The following ATP10B variants were observed in gnomAD, a reference collection of about 807,000 sequenced individuals.
The protein encoded by ATP10B is ATPase phospholipid transporting 10B (putative).
A neutral mutation model predicts 141.2 loss-of-function variants in ATP10B; 122 were observed. That is an observed-to-expected ratio of 0.86 (90% CI 0.75 to 1.00). The LOEUF is 1.00. ATP10B is among the 50% of genes least tolerant of loss of function. The probability of loss-of-function intolerance (pLI) is 0.00; values close to 1 mark genes in which losing one functional copy is unlikely to be tolerated. For missense variants in ATP10B, 1,876 were observed against 1,825.3 expected, an observed-to-expected ratio of 1.03 and a Z score of -0.51; for synonymous variants, 685 against 692.0, an observed-to-expected ratio of 0.99 and a Z score of 0.16.
chr5:160,910,506 C>G, the ATP10B span, among the ~76,000 whole-genome samples: 9 of 152,232 alleles, frequency 5.9e-5, no homozygotes, highest in East Asian at 1.7e-3. Flanking sequence ...AAACAGCCAA[C>G]TGAATAATAA....
chr5:160,889,126 A>T, the ATP10B span, among the ~76,000 whole-genome samples: 1 of 152,202 alleles, frequency 6.6e-6, no homozygotes, highest in African/African-American at 2.4e-5. Context: ...TGAAATGACC[A>T]GAGGCTTGGT....
rs1168701787 is a variant in ATP10B at position 160,849,643 on chromosome 5, T to A, written c.-576+2298A>T. Among the ~76,000 whole-genome samples the A allele has an allele frequency of 2.6e-4, 10 of 38,266 alleles. No individual in the cohort carries two copies. In the East Asian group the frequency reaches 7.7e-3, roughly 30 times the overall value. The allele number at this position is 38,266 out of a possible 152,430, so 25.1% of individuals were successfully genotyped here. The stretch of plus-strand genomic sequence containing the variant: ...TACACACACACACACACACACACAC[T>A]CTTTTAATGTGAGCATTTGACAGGC... On this transcript the variant is annotated intron_variant, in intron 1 of 25. Coordinates refer to ENST00000327245, the MANE Select transcript of ATP10B (RefSeq NM_025153.3).
chr5:160,665,637 T>C (rs972468560), intron 7 of ATP10B, among the ~76,000 whole-genome samples: 3 of 151,946 alleles, frequency 2.0e-5, no homozygotes, highest in Admixed American at 6.6e-5. Context: ...GGACCATGAG[T>C]TTTTCAAGAA....
chr5:160,629,292 A>C (rs1479925131), intron 13 of ATP10B, among the ~76,000 whole-genome samples: 1 of 152,022 alleles, frequency 6.6e-6, no homozygotes, highest in Non-Finnish European at 1.5e-5. Flanking sequence ...CAAGGATCTG[A>C]CACCAGCTAG....
chr5:160,878,032 C>G, the ATP10B span, among the ~76,000 whole-genome samples: 49 of 152,134 alleles, frequency 3.2e-4, no homozygotes, highest in Admixed American at 3.1e-3. Flanking sequence ...GAGAAAACTA[C>G]TTTAAAGTTC....
At chr5:160,595,787 T>C in intron 22 of ATP10B, among the ~76,000 whole-genome samples, 1 of 150,420 alleles carries the variant, frequency 6.6e-6, no homozygotes, top group Non-Finnish European at 1.5e-5. Context: ...CACTAGAAAA[T>C]CTAGAAGAAA....
intron 13 of ATP10B, among the ~76,000 whole-genome samples, chr5:160,626,992 C>A (rs992038581): frequency 6.6e-6 from 1 of 152,146 alleles, no homozygotes; most frequent in Non-Finnish European, 1.5e-5. Context: ...CATAGTTCCT[C>A]TTATGTCTCT....
chr5:160,878,432 A>G, the ATP10B span, among the ~76,000 whole-genome samples: 27 of 152,296 alleles, frequency 1.8e-4, no homozygotes, highest in African/African-American at 6.0e-4. Context: ...TAAAAACCCT[A>G]GAAGAAAACC....
At chr5:160,871,163 CTT>C in the ATP10B span, among the ~76,000 whole-genome samples, 11 of 152,008 alleles carry the variant, frequency 7.2e-5, no homozygotes, top group Non-Finnish European at 1.6e-4. Context: ...GAAACTAAAA[CTT>C]TTAATTGATC....
At chr5:160,817,876 C>G (rs990409227) in intron 1 of ATP10B, among the ~76,000 whole-genome samples, 2 of 152,148 alleles carry the variant, frequency 1.3e-5, no homozygotes, top group African/African-American at 2.4e-5. Context: ...TTTGACAAAC[C>G]TGACAAAAAC....
rs533232377 is a variant in ATP10B at position 160,616,294 on chromosome 5, G to A, written c.2527-330C>T. ...AAATAGTTATTTCAGGGAATGCTAG[G>A]TAGTAAATGAGTGATATGAGAAAGT... is the stretch of plus-strand genomic sequence containing the variant. On this transcript the variant is annotated intron_variant, in intron 16 of 25. Coordinates refer to ENST00000327245, the MANE Select transcript of ATP10B (RefSeq NM_025153.3). 1.5e-3 allele frequency among the ~76,000 whole-genome samples: 233 copies of A among 152,234 alleles called. 1 individual carries two copies. The highest frequency in any genetic ancestry group is 5.5e-3 in the African/African-American group (227 of 41,516).
At chr5:160,722,437 G>C (rs1766057431) in intron 2 of ATP10B, among the ~76,000 whole-genome samples, 1 of 152,158 alleles carries the variant, frequency 6.6e-6, no homozygotes, top group African/African-American at 2.4e-5. Context: ...TTAGCACCAC[G>C]TGAACAGATC....
At chr5:160,664,726 C>T (rs1227741164) in intron 7 of ATP10B, among the ~76,000 whole-genome samples, 1 of 152,192 alleles carries the variant, frequency 6.6e-6, no homozygotes, top group Non-Finnish European at 1.5e-5. Context: ...CAAGTTCCCA[C>T]TTGGCCCTGG....
chr5:160,791,942 G>T (rs1771601853), intron 1 of ATP10B, among the ~76,000 whole-genome samples: 1 of 152,096 alleles, frequency 6.6e-6, no homozygotes, highest in Non-Finnish European at 1.5e-5. Context: ...GACTCTAGCT[G>T]GGATGAAAGC....
Position 160,781,587 on chromosome 5 carries a change from A to G in ATP10B, c.-331+3972T>C, listed in dbSNP as rs116686420. 2.8e-3 allele frequency among the ~76,000 whole-genome samples: 427 copies of G among 152,310 alleles called. 1 individual carries two copies. The highest frequency in any genetic ancestry group is 0.01 in the African/African-American group (416 of 41,572). On this transcript the variant is annotated intron_variant, in intron 2 of 25. Coordinates refer to ENST00000327245, the MANE Select transcript of ATP10B (RefSeq NM_025153.3). ...GATATGATAGAAAACATCTTTGGAA[A>G]TAGAAAAGGCAAATAAATATCATTT...
At chr5:160,685,038 C>T (rs1301540462) in intron 6 of ATP10B, 4 of 703,546 alleles carry the variant, frequency 5.7e-6, no homozygotes, top group Non-Finnish European at 1.0e-5. Context: ...ACCGGTGTAG[C>T]TGCTCAAAAA....
At chr5:160,776,011 A>G (rs1296383366) in intron 2 of ATP10B, among the ~76,000 whole-genome samples, 3 of 152,204 alleles carry the variant, frequency 2.0e-5, no homozygotes, top group African/African-American at 7.2e-5. Flanking sequence ...GAGAGATTAA[A>G]TGAGCACCCA....
chr5:160,893,192 G>A, the ATP10B span, among the ~76,000 whole-genome samples: 2 of 152,070 alleles, frequency 1.3e-5, no homozygotes. Context: ...ATGCCCGTGA[G>A]ACAGAACCAT....
In ATP10B at chr5:160,569,629, A is replaced by G. The variant is rs1754753632; in HGVS notation, c.3805T>C (p.Ser1269Pro). The change falls in exon 25 of 26, where the codon TCC (serine) becomes CCC (proline). Residue 1269 changes from serine to proline, a missense_variant. Transcript: ENST00000327245. ...LGSFLMYFLV[S>P]LLYNATCVIC... The stretch of plus-strand genomic sequence containing the variant: ...ACGCAGGTGGCATTGTACAGGAGGG[A>G]TACCAGAAAGTACATCAGGAAGCTG... 3 of 1,608,512 alleles carry G rather than the reference A, an allele frequency of 1.9e-6. No individual in the cohort carries two copies. The highest frequency in any genetic ancestry group is 1.1e-5 in the South Asian group (1 of 90,046).
Sources: allele counts gnomAD v4.1 joint callset (sites outside exome capture counted in the v4.1 genomes callset), GRCh38; gene constraint gnomAD v4.1.1; transcripts MANE v1.5; gene names NCBI Gene and HGNC (gene_info 2026-07-23, HGNC 2026-07-21).